PCGF3: variants seen among roughly 807,000 people sequenced by gnomAD.
PCGF3 encodes the protein polycomb group ring finger 3, also known as polycomb group RING finger protein 3.
Under a neutral mutation model 33.1 loss-of-function variants are expected in PCGF3, and 7 were observed. The ratio of observed to expected loss-of-function variants is 0.21; its 90% CI spans 0.12 to 0.40. The LOEUF is 0.40. PCGF3 is among the 10% of genes least tolerant of loss of function. The pLI, the probability that PCGF3 is intolerant of heterozygous loss-of-function variation, is 1.00. For missense variants in PCGF3, 211 were observed against 313.3 expected, an observed-to-expected ratio of 0.67 and a Z score of 2.46; for synonymous variants, 153 against 121.3, an observed-to-expected ratio of 1.26 and a Z score of -1.72.
At chr4:748,338 T>C (rs1744361228) in intron 8 of PCGF3, among the ~76,000 whole-genome samples, 2 of 152,116 alleles carry the variant, frequency 1.3e-5, no homozygotes, top group South Asian at 2.1e-4. Context: ...TAGCTGGGAC[T>C]ACAGGCACCT....
chr4:752,425 C>A lies in PCGF3; in HGVS notation c.462+7737C>A, dbSNP rs558772398. On this transcript the variant is annotated intron_variant, in intron 8 of 10. Transcript: ENST00000362003. ...ATTCCAGAACTCTCCTTTCTGGAGC[C>A]TGACTTCTTTGGGAGCAGCCGGCGG... 7.9e-5 allele frequency among the ~76,000 whole-genome samples: 12 copies of A among 152,360 alleles called. 1 individual carries two copies. In the South Asian group the frequency reaches 1.7e-3, roughly 21 times the overall value.
exon 11 of PCGF3, chr4:766,249 C>T (rs570136134): frequency 1.8e-5 from 11 of 600,836 alleles, no homozygotes; most frequent in Non-Finnish European, 3.0e-5. Context: ...CTACCAGCAC[C>T]ACGTTTACAG....
At chr4:758,476 C>T (rs1205075508) in intron 8 of PCGF3, among the ~76,000 whole-genome samples, 13 of 139,528 alleles carry the variant, frequency 9.3e-5, no homozygotes, top group Admixed American at 9.2e-4. Context: ...TCTTCCCGTG[C>T]GGCCCCTCTC....
At chr4:738,449 G>A (rs966836852) in intron 6 of PCGF3, among the ~76,000 whole-genome samples, 53 of 152,344 alleles carry the variant, frequency 3.5e-4, no homozygotes, top group African/African-American at 1.3e-3. Flanking sequence ...CGAGTTAAAT[G>A]CTGACACCTT....
chr4:723,298 C>A (rs981278908), intron 1 of PCGF3, among the ~76,000 whole-genome samples: 1 of 152,196 alleles, frequency 6.6e-6, no homozygotes, highest in Non-Finnish European at 1.5e-5. Context: ...TGAGGTCCAC[C>A]GGGGAGAGGA....
intron 1 of PCGF3, among the ~76,000 whole-genome samples, chr4:707,665 C>T (rs1221525716): frequency 1.5e-5 from 2 of 129,160 alleles, no homozygotes; most frequent in Non-Finnish European, 3.3e-5. Context: ...CCCTGGGGGT[C>T]GGGACCCTGG....
intron 8 of PCGF3, among the ~76,000 whole-genome samples, chr4:760,998 A>T (rs1745024753): frequency 6.6e-6 from 1 of 152,222 alleles, no homozygotes; most frequent in African/African-American, 2.4e-5. Context: ...AGTGCCTGCG[A>T]TGGATAAGTA....
chr4:741,430 G>A (rs941277966), intron 6 of PCGF3, among the ~76,000 whole-genome samples: 2 of 152,134 alleles, frequency 1.3e-5, no homozygotes, highest in African/African-American at 2.4e-5. Flanking sequence ...TTTTTGAGAC[G>A]GAGTTTTGCT....
intron 1 of PCGF3, among the ~76,000 whole-genome samples, chr4:726,090 G>C (rs990086079): frequency 1.2e-4 from 18 of 152,230 alleles, no homozygotes; most frequent in Admixed American, 1.1e-3. Flanking sequence ...TGGGGCAGAG[G>C]CTGGCGGGCA....
At chr4:741,699 G>T (rs951511952) in intron 6 of PCGF3, among the ~76,000 whole-genome samples, 1 of 152,170 alleles carries the variant, frequency 6.6e-6, no homozygotes, top group Non-Finnish European at 1.5e-5. Flanking sequence ...GAGCCACCGC[G>T]CCCGGCCCCA....
chr4:707,862 C>T (rs186338389), intron 1 of PCGF3, among the ~76,000 whole-genome samples: 5 of 76,166 alleles, frequency 6.6e-5, no homozygotes, highest in Admixed American at 2.4e-4. Context: ...CTGGGACAGC[C>T]CTGTTTTCAC....
intron 7 of PCGF3, 100 bp from the exon 8 acceptor site, chr4:744,500 A>C: frequency 1.1e-6 from 1 of 883,640 alleles, no homozygotes. Flanking sequence ...GAGTCTCTTA[A>C]TGGAGTGAAT....
Position 720,578 on chromosome 4 carries a change from A to G in PCGF3, c.-189-10052A>G, listed in dbSNP as rs11248036. Among the ~76,000 whole-genome samples the G allele has an allele frequency of 0.24, 33,350 of 141,602 alleles. 4,282 individuals carry two copies. The highest frequency in any genetic ancestry group is 0.32 in the South Asian group (1,338 of 4,236). The allele number at this position is 141,602 out of a possible 152,430, so 92.9% of individuals were successfully genotyped here. On this transcript the variant is annotated intron_variant, in intron 1 of 10. Coordinates refer to ENST00000362003, the Ensembl canonical transcript of PCGF3. The surrounding 1 kb of genome is among the most constrained non-coding windows in gnomAD (Gnocchi z 5.6). ...GCAGCCCCGACGTGAACAGGACCCC[A>G]CGTGGACGGGCAGTGACGTGCGTGT...
At chr4:717,544 T>G (rs1742908769) in intron 1 of PCGF3, among the ~76,000 whole-genome samples, 1 of 152,318 alleles carries the variant, frequency 6.6e-6, no homozygotes. Flanking sequence ...CACACCCAGC[T>G]AATTTTTGTA....
chr4:755,904 C>CTT (rs570528684), intron 8 of PCGF3, among the ~76,000 whole-genome samples: 1,359 of 87,122 alleles, frequency 0.016, 211 homozygotes, highest in South Asian at 0.034. Flanking sequence ...CAGAATTGTC[C>CTT]TTTTTTTTTT....
chr4:733,952 C>T, intron 4 of PCGF3, 163 bp downstream of exon 4: 1 of 1,552,644 alleles, frequency 6.4e-7, no homozygotes. Flanking sequence ...TCAGAAAAGT[C>T]ATTTCACGCT....
rs1018517225 is a variant in PCGF3 at position 718,845 on chromosome 4, G to C, written c.-189-11785G>C. On this transcript the variant is annotated intron_variant, in intron 1 of 10. Transcript: ENST00000362003. ...CCTGGGGTCAGTTCCTGCCTGGCCA[G>C]AGATGGAGCAGGGATGCTTACTGTC... 3.7e-4 allele frequency among the ~76,000 whole-genome samples: 56 copies of C among 152,256 alleles called. 1 individual carries two copies. Among genetic ancestry groups the C allele is most frequent in the Non-Finnish European group, 8.8e-5 (6 of 68,042 alleles).
At chr4:734,515 G>A in intron 4 of PCGF3, 1 of 1,202,398 alleles carries the variant, frequency 8.3e-7, no homozygotes, top group Non-Finnish European at 1.0e-6. Flanking sequence ...TTTAGATATT[G>A]GTTAGCATAT....
At chr4:722,326 C>A in intron 1 of PCGF3, 1 of 182,618 alleles carries the variant, frequency 5.5e-6, no homozygotes, top group Non-Finnish European at 1.1e-5. Flanking sequence ...GTGCTGCAGG[C>A]GCGACTCAGA....
Sources: gnomAD v4.1 joint callset for allele counts (sites outside exome capture counted in the v4.1 genomes callset) on GRCh38, gnomAD v4.1.1 for gene constraint, Gnocchi (gnomAD v3.1) non-coding constraint, MANE v1.5 for transcripts, NCBI Gene and HGNC (gene_info 2026-07-23, HGNC 2026-07-21) for gene names.